The following CACNA2D3 variants were observed in gnomAD, a reference collection of about 807,000 sequenced individuals.
CACNA2D3 encodes the protein voltage-dependent calcium channel subunit alpha-2/delta-3.
In CACNA2D3, 60 loss-of-function variants were observed where a neutral mutation model predicts 160.6. The ratio of observed to expected loss-of-function variants is 0.37; its 90% CI spans 0.30 to 0.46. CACNA2D3 has a LOEUF of 0.46. Among genes scored for constraint, CACNA2D3 ranks in the 20% least tolerant of loss-of-function variants. CACNA2D3 has a pLI of 1.00. For synonymous variants in CACNA2D3, 558 were observed against 492.9 expected, an observed-to-expected ratio of 1.13 and a Z score of -1.75; for missense variants, 1,205 against 1,365.0, an observed-to-expected ratio of 0.88 and a Z score of 1.85.
chr3:54,730,583 A>G (rs1575445580), intron 11 of CACNA2D3, among the ~76,000 whole-genome samples: 1 of 151,946 alleles, frequency 6.6e-6, no homozygotes, highest in South Asian at 2.1e-4. Flanking sequence ...GCTCACTGCA[A>G]CCTCCGCCTC....
chr3:54,147,432 A>C (rs905168072), intron 2 of CACNA2D3, among the ~76,000 whole-genome samples: 3 of 152,252 alleles, frequency 2.0e-5, no homozygotes, highest in African/African-American at 4.8e-5. Context: ...TCTCTGGTAA[A>C]GGAGGGACCA....
chr3:54,436,295 T>G (rs955707996), intron 4 of CACNA2D3, among the ~76,000 whole-genome samples: 11 of 152,262 alleles, frequency 7.2e-5, no homozygotes, highest in African/African-American at 2.7e-4. Context: ...CTGTTGAGGC[T>G]GTGGAGAAAT....
At chr3:54,741,975 C>T (rs568178467) in intron 11 of CACNA2D3, among the ~76,000 whole-genome samples, 190 of 152,056 alleles carry the variant, frequency 1.2e-3, no homozygotes, top group Non-Finnish European at 1.3e-3. Flanking sequence ...CTACTGCCCC[C>T]GACAATTCAG....
intron 4 of CACNA2D3, among the ~76,000 whole-genome samples, chr3:54,470,360 C>A (rs908577741): frequency 1.1e-4 from 16 of 152,110 alleles, no homozygotes; most frequent in Non-Finnish European, 1.9e-4. Flanking sequence ...GAAATAAAAT[C>A]CTTTACAGAG....
intron 4 of CACNA2D3, among the ~76,000 whole-genome samples, chr3:54,438,107 G>T (rs1700087116): frequency 1.3e-5 from 2 of 152,152 alleles, no homozygotes; most frequent in African/African-American, 4.8e-5. Flanking sequence ...TCCATGAAAA[G>T]GGTTATAGAA....
At chr3:54,662,651 C>T (rs1012098095) in intron 11 of CACNA2D3, among the ~76,000 whole-genome samples, 1 of 152,224 alleles carries the variant, frequency 6.6e-6, no homozygotes, top group African/African-American at 2.4e-5. Context: ...GGGCTTGCCT[C>T]ATGGTCTCAA....
intron 11 of CACNA2D3, among the ~76,000 whole-genome samples, chr3:54,646,126 T>TTC (rs1699632167): frequency 1.3e-4 from 8 of 60,202 alleles, no homozygotes; most frequent in African/African-American, 5.7e-4. Flanking sequence ...TTCCTTCCTT[T>TTC]CTTCCTTCCT....
At chr3:54,211,755 C>G (rs1701375964) in intron 2 of CACNA2D3, among the ~76,000 whole-genome samples, 1 of 152,090 alleles carries the variant, frequency 6.6e-6, no homozygotes. Context: ...ACGTAAACAT[C>G]TATGAATTAA....
intron 2 of CACNA2D3, among the ~76,000 whole-genome samples, chr3:54,155,376 C>T (rs941886196): frequency 2.6e-5 from 4 of 152,166 alleles, no homozygotes; most frequent in Admixed American, 1.3e-4. Flanking sequence ...CATCATACAG[C>T]TTGTCTGGTG....
chr3:54,619,257 T>G (rs921076454), intron 9 of CACNA2D3, among the ~76,000 whole-genome samples: 1 of 152,228 alleles, frequency 6.6e-6, no homozygotes, highest in Non-Finnish European at 1.5e-5. Flanking sequence ...GCTGGCCTTG[T>G]TCACAGGCAT....
intron 3 of CACNA2D3, among the ~76,000 whole-genome samples, chr3:54,330,610 T>G (rs1178809419): frequency 6.6e-6 from 1 of 152,230 alleles, no homozygotes; most frequent in African/African-American, 2.4e-5. Context: ...CAGACTCTTA[T>G]GACTTTTAAC....
chr3:54,608,339 A>T (rs1277349295), intron 9 of CACNA2D3, among the ~76,000 whole-genome samples: 2 of 152,200 alleles, frequency 1.3e-5, no homozygotes, highest in Non-Finnish European at 2.9e-5. Context: ...ATTATTTTTT[A>T]AAAGGCTTTA....
rs181810448 is a variant in CACNA2D3 at position 54,125,096 on chromosome 3, G to A, written c.204+1502G>A. ...TAACATTTTGTATAACTTTAAAGAA[G>A]TATTTCTCATCTGCACGTTGTAGTT... On this transcript the variant is annotated intron_variant, in intron 2 of 37. Transcript: ENST00000474759. Among the ~76,000 whole-genome samples the A allele has an allele frequency of 5.9e-3, 895 of 152,280 alleles. 6 individuals are homozygous for A. Among genetic ancestry groups the A allele is most frequent in the Non-Finnish European group, 6.8e-3 (462 of 68,022 alleles).
chr3:54,344,696 A>T (rs1158840094), intron 3 of CACNA2D3, among the ~76,000 whole-genome samples: 1 of 152,112 alleles, frequency 6.6e-6, no homozygotes, highest in East Asian at 1.9e-4. Context: ...CAGTTTCCCC[A>T]TGAGTACAGT....
chr3:54,380,875 C>G (rs1211791461), intron 3 of CACNA2D3, among the ~76,000 whole-genome samples: 1 of 152,092 alleles, frequency 6.6e-6, no homozygotes, highest in African/African-American at 2.4e-5. Flanking sequence ...CTTGTTGATT[C>G]AAAGGAAAAG....
At chr3:54,284,972 A>C (rs1702973494) in intron 2 of CACNA2D3, among the ~76,000 whole-genome samples, 2 of 152,202 alleles carry the variant, frequency 1.3e-5, no homozygotes, top group South Asian at 4.1e-4. Context: ...GCCGAATAGG[A>C]ACAGCTCTGG....
intron 2 of CACNA2D3, among the ~76,000 whole-genome samples, chr3:54,236,187 G>A (rs575486253): frequency 4.6e-5 from 7 of 152,230 alleles, no homozygotes; most frequent in South Asian, 2.1e-4. Context: ...AAACTGTCAC[G>A]GACAACAGGA....
rs1698747889 is a variant in CACNA2D3, at chr3:54,838,653, T to G, written c.1551+5T>G. On this transcript the variant is annotated splice_donor_5th_base_variant and intron_variant, in intron 16 of 37. Coordinates refer to ENST00000474759, the MANE Select transcript of CACNA2D3 (RefSeq NM_018398.3). ...AAGACCATCCCCAAATACAAGGTAATGAATGACCTAATCCCTGAAATCAAA... is the reference window on the plus strand; with the variant it reads ...AAGACCATCCCCAAATACAAGGTAAGGAATGACCTAATCCCTGAAATCAAA... 6.3e-7 allele frequency: 1 copy of G among 1,598,682 alleles called. No homozygotes were observed. Among genetic ancestry groups the G allele is most frequent in the Admixed American group, 1.7e-5 (1 of 59,974 alleles).
At chr3:54,683,459 G>A (rs941898005) in intron 11 of CACNA2D3, among the ~76,000 whole-genome samples, 1 of 152,216 alleles carries the variant, frequency 6.6e-6, no homozygotes, top group Non-Finnish European at 1.5e-5. Context: ...TTGATTCCAG[G>A]CCTTGCTACT....
Sources: gnomAD v4.1 joint callset for allele counts (sites outside exome capture counted in the v4.1 genomes callset) on GRCh38, gnomAD v4.1.1 for gene constraint, MANE v1.5 for transcripts, NCBI Gene and HGNC (gene_info 2026-07-23, HGNC 2026-07-21) for gene names.